NKTR: variants seen among roughly 807,000 people sequenced by gnomAD.
NKTR encodes NK-tumor recognition protein.
A neutral mutation model predicts 156.3 loss-of-function variants in NKTR; 67 were observed. The observed-to-expected ratio is 0.43, with a 90% confidence interval of 0.35 to 0.53. The LOEUF (loss-of-function observed/expected upper bound fraction) is 0.53. Among genes scored for constraint, NKTR ranks in the 20% least tolerant of loss-of-function variants. The pLI is 0.01. For synonymous variants in NKTR, 640 were observed against 596.6 expected (o/e 1.07, Z -1.06); for missense variants, 1,604 against 1,730.9 (o/e 0.93, Z 1.30).
In NKTR at chr3:42,638,468, G is replaced by C; in HGVS notation, c.2764G>C (p.Val922Leu). 6.2e-7 allele frequency: 1 copy of C among 1,611,480 alleles called. No homozygotes were observed. The highest frequency in any genetic ancestry group is 8.5e-7 in the Non-Finnish European group (1 of 1,179,202). The change falls in exon 13 of 17, where the codon GTT (valine) becomes CTT (leucine). Residue 922 changes from valine (V) to leucine (L), a missense_variant. By Grantham distance (32) the Val-to-Leu change is conservative. Around this residue, in one of 6 missense-constraint regions of NKTR, gnomAD observed 1,255 missense variants for 1,243.7 expected, o/e 1.01. Coordinates refer to ENST00000232978, the MANE Select transcript of NKTR (RefSeq NM_005385.4). ...GGCCACATCCGATTCTGAATCAGAG[G>C]TTAGTGAAATTCACATCAAAGTCAA... ...GEATSDSESE[V>L]SEIHIKVKPT...
In NKTR at chr3:42,631,319, A is replaced by G; in HGVS notation, c.550+3A>G. ...TGCCACAAAATCAATAAAAGATGGT[A>G]AGAACTTTTTTGACAGTAGATGAAG... On this transcript the variant is annotated splice_donor_region_variant and intron_variant, in intron 8 of 16. Transcript: ENST00000232978. The G allele has an allele frequency of 1.9e-6, 3 of 1,613,108 alleles. No individual in the cohort carries two copies. The highest frequency in any genetic ancestry group is 2.2e-5 in the East Asian group (1 of 44,834).
At chr3:42,629,753 A>C (rs946959558) in intron 6 of NKTR, 2 of 985,214 alleles carry the variant, frequency 2.0e-6, no homozygotes, top group Non-Finnish European at 2.4e-6. Context: ...TGAAAATGCT[A>C]TGGGAAAACT....
chr3:42,625,707 C>CT (rs537745047), intron 6 of NKTR, among the ~76,000 whole-genome samples: 7 of 152,106 alleles, frequency 4.6e-5, no homozygotes, highest in Non-Finnish European at 7.4e-5. Context: ...TTTTTCCTTC[C>CT]TTTTTTTGGG....
rs1709605435 is a variant in NKTR at position 42,638,431 on chromosome 3, GGAA to G, written c.2732_2734del (p.Glu911del). 2 of 1,613,240 alleles carry G rather than the reference GGAA, an allele frequency of 1.2e-6. No homozygotes were observed. The highest frequency in any genetic ancestry group is 1.7e-5 in the Admixed American group (1 of 59,792). ...ATGACTCCCATCCATCCTCTGACAA[GGAA>G]GAAGGTGAGGCCACATCCGATTCTG... On this transcript the variant is annotated inframe_deletion, in exon 13 of 17. Coordinates refer to ENST00000232978, the MANE Select transcript of NKTR (RefSeq NM_005385.4).
chr3:42,615,491 G>A (rs1264966415), intron 2 of NKTR, among the ~76,000 whole-genome samples: 2 of 151,434 alleles, frequency 1.3e-5, no homozygotes. Context: ...ACTACTGGAG[G>A]GTACACAATT....
chr3:42,615,182 G>A (rs920551847), intron 2 of NKTR, among the ~76,000 whole-genome samples: 1 of 151,670 alleles, frequency 6.6e-6, no homozygotes, highest in African/African-American at 2.4e-5. Flanking sequence ...AGGTTCAAGC[G>A]ATTCTTTTGC....
chr3:42,630,755 C>G lies in NKTR; in HGVS notation c.404+180C>G, dbSNP rs1258562514. 3.6e-6 allele frequency: 5 copies of G among 1,403,224 alleles called. No homozygotes were observed. The Admixed American group carries it at 1.6e-4, about 45-fold the overall frequency. 86.9% of individuals were successfully genotyped at this position (1,403,224 alleles called of 1,614,324 possible). ...TTGAGACCCCATGGCTCTCATGTGA[C>G]TGAAGGAGTCAATCTGTGCTCATGG... On this transcript the variant is annotated intron_variant, in intron 7 of 16. Transcript: ENST00000232978.
chr3:42,616,934 T>C (rs1707425461), intron 2 of NKTR, among the ~76,000 whole-genome samples: 1 of 152,140 alleles, frequency 6.6e-6, no homozygotes, highest in African/African-American at 2.4e-5. Context: ...TTAAAATTTT[T>C]TGTAGAGACA....
In NKTR at chr3:42,643,305, A is replaced by G. The variant is rs374966664; in HGVS notation, c.4143-34A>G. ...GGTATAGCCTGTCCTGCCCTGATCT[A>G]TAAGATGATGGTCCTTCATGTGATT... On this transcript the variant is annotated intron_variant, in intron 14 of 16. Transcript: ENST00000232978. The G allele has an allele frequency of 6.3e-5, 100 of 1,597,928 alleles. 2 individuals are homozygous for G. Among genetic ancestry groups the G allele is most frequent in the Admixed American group, 4.0e-4 (24 of 59,890 alleles).
intron 6 of NKTR, 26 bp downstream of exon 6, chr3:42,621,542 GC>G: frequency 6.2e-7 from 1 of 1,600,262 alleles, no homozygotes; most frequent in Non-Finnish European, 8.5e-7. Flanking sequence ...TCAGAGATGA[GC>G]TTTTCTTAAA....
chr3:42,606,098 G>A (rs1384889477), intron 2 of NKTR, among the ~76,000 whole-genome samples: 1 of 152,164 alleles, frequency 6.6e-6, no homozygotes, highest in Non-Finnish European at 1.5e-5. Context: ...GCTAATGACA[G>A]TGCTGGGAAT....
intron 12 of NKTR, among the ~76,000 whole-genome samples, chr3:42,636,147 A>G (rs1172598234): frequency 6.6e-6 from 1 of 152,170 alleles, no homozygotes; most frequent in African/African-American, 2.4e-5. Flanking sequence ...TGAAAAATAT[A>G]CTAATGGGAC....
At chr3:42,629,183 A>AC in intron 6 of NKTR, 1 of 984,934 alleles carries the variant, frequency 1.0e-6, no homozygotes, top group South Asian at 4.7e-5. Context: ...TGATTTAAAC[A>AC]CTAGTGGCTC....
intron 6 of NKTR, chr3:42,627,945 T>C: frequency 1.0e-6 from 1 of 985,332 alleles, no homozygotes; most frequent in Non-Finnish European, 1.2e-6. Flanking sequence ...TCTGCCTCTT[T>C]TAGTAGAATT....
At chr3:42,603,374 A>C (rs639345) in intron 2 of NKTR, among the ~76,000 whole-genome samples, 31,776 of 142,104 alleles carry the variant, frequency 0.22, 3,589 homozygotes, top group East Asian at 0.46. Flanking sequence ...AAAAAAAAAA[A>C]AAAAAAAAAA....
At chr3:42,603,040 A>AG (rs1491309702) in intron 2 of NKTR, 1 of 150,630 alleles carries the variant, frequency 6.6e-6, no homozygotes. Context: ...AAAAAAAAAA[A>AG]GAAAAGAAAA....
chr3:42,639,330 GGAA>G lies in NKTR; in HGVS notation c.3631_3633del (p.Lys1211del), dbSNP rs1350054485. On this transcript the variant is annotated inframe_deletion, in exon 13 of 17. Transcript: ENST00000232978. ...TTGGCTAGTGCTGGAGAAAGTACCG[GGAA>G]GAAGGAGGTGGCTGAGAAGAGCCAG... The G allele has an allele frequency of 8.7e-6, 14 of 1,614,078 alleles. No homozygotes were observed. Among genetic ancestry groups the G allele is most frequent in the Non-Finnish European group, 1.2e-5 (14 of 1,179,996 alleles).
chr3:42,638,196 T>C lies in NKTR; in HGVS notation c.2492T>C (p.Met831Thr), dbSNP rs200871604. ...SAQEKEKQGQ[M>T]ERTHNKQEKN... ...CAGGAAAAAGAGAAGCAGGGCCAAA[T>C]GGAAAGAACACATAATAAACAAGAA... Residue 831 changes from methionine to threonine, a missense_variant, in exon 13 of 17, where the codon ATG becomes ACG. Physicochemically the swap from Met to Thr is moderately conservative, Grantham distance 81 (BLOSUM62 -1). Coordinates refer to ENST00000232978, the MANE Select transcript of NKTR (RefSeq NM_005385.4). 3 of 1,612,410 alleles carry C rather than the reference T, an allele frequency of 1.9e-6. No homozygotes were observed. The highest frequency in any genetic ancestry group is 2.5e-6 in the Non-Finnish European group (3 of 1,179,676).
At chr3:42,629,870 C>G in intron 6 of NKTR, 1 of 985,354 alleles carries the variant, frequency 1.0e-6, no homozygotes, top group Non-Finnish European at 1.2e-6. Flanking sequence ...TTTTCTGGGC[C>G]AAGGAAATTT....
Sources: gnomAD v4.1 joint callset for allele counts (sites outside exome capture counted in the v4.1 genomes callset) on GRCh38, gnomAD v4.1.1 for gene constraint, gnomAD v4.1.1 regional missense constraint, MANE v1.5 for transcripts, NCBI Gene and HGNC (gene_info 2026-07-23, HGNC 2026-07-21) for gene names.